Variants in SLC26A11 observed in about 807,000 individuals in gnomAD.
The protein encoded by SLC26A11 is sodium-independent sulfate anion transporter.
In SLC26A11, 58 loss-of-function variants were observed where a neutral mutation model predicts 62.2. That is an observed-to-expected ratio of 0.93 (90% CI 0.76 to 1.16). The LOEUF is 1.16. Among genes scored for constraint, SLC26A11 ranks in the 50% most tolerant of loss-of-function variants. SLC26A11 has a pLI of 0.00. For missense variants in SLC26A11, 790 were observed against 794.3 expected (o/e 0.99, Z 0.06); for synonymous variants, 411 against 368.9 (o/e 1.11, Z -1.31).
intron 2 of SLC26A11, 75 bp from the exon 3 acceptor site, chr17:80,221,473 C>G (rs117528362): frequency 5.3e-6 from 6 of 1,136,532 alleles, no homozygotes; most frequent in Non-Finnish European, 7.3e-6. Flanking sequence ...TGACACCCGC[C>G]GACCCTGACC....
In SLC26A11 at chr17:80,252,803, A is replaced by G. The variant is rs1374919938; in HGVS notation, c.*87A>G. 8.0e-7 allele frequency: 1 copy of G among 1,244,324 alleles called. No individual in the cohort carries two copies. The highest frequency in any genetic ancestry group is 1.1e-6 in the Non-Finnish European group (1 of 872,968). The allele number at this position is 1,244,324 out of a possible 1,614,324, so 77.1% of individuals were successfully genotyped here. A position where few individuals can be genotyped will look rare whatever the true frequency, so the allele number is the denominator to read the frequency against. On this transcript the variant is annotated 3_prime_UTR_variant, in exon 18 of 18. Coordinates refer to ENST00000361193, the MANE Select transcript of SLC26A11 (RefSeq NM_001166347.2). The surrounding 1 kb of genome is among the most constrained non-coding windows in gnomAD (Gnocchi z 5.2). Reference sequence around the variant, plus strand: ...TTGGATGCTGGATGCCGCCTGATAGACATGCTGGCCTGGCTGAGAAACCCC... The same window carrying G: ...TTGGATGCTGGATGCCGCCTGATAGGCATGCTGGCCTGGCTGAGAAACCCC...
In SLC26A11 at chr17:80,241,797, G is replaced by A. The variant is rs1345056932; in HGVS notation, c.1012G>A (p.Ala338Thr). 1 of 1,614,032 alleles carries A rather than the reference G, an allele frequency of 6.2e-7. No homozygotes were observed. The highest frequency in any genetic ancestry group is 8.5e-7 in the Non-Finnish European group (1 of 1,180,030). The part of the protein sequence containing the change: ...FASQNNYRID[A>T]NQELLAIGLT... ...ATCTCAGAATAATTACCGCATCGAT[G>A]CCAACCAGGAGCTGCTGGCCATCGG... Residue 338 changes from alanine to threonine, a missense_variant, in exon 10 of 18, where the codon GCC becomes ACC. Transcript: ENST00000361193.
intron 3 of SLC26A11, 46 bp downstream of exon 3, chr17:80,221,840 A>G: frequency 1.3e-6 from 2 of 1,543,600 alleles, no homozygotes; most frequent in Admixed American, 3.5e-5. Context: ...GAAACAGTGC[A>G]GAATACACAG....
intron 7 of SLC26A11, among the ~76,000 whole-genome samples, chr17:80,233,132 C>G (rs928053966): frequency 1.3e-5 from 2 of 151,074 alleles, no homozygotes; most frequent in African/African-American, 4.9e-5. Context: ...GCCTGTAATC[C>G]CAGCTACTGG....
At position 80,252,714 on chromosome 17, in the gene SLC26A11, T is replaced by C. The variant is rs1383541214; in HGVS notation, c.1819T>C (p.Ter607GlnextTer41). The stretch of plus-strand genomic sequence containing the variant: ...CCAAAAGGTTGCCCTGCTCAAGGCA[T>C]AATGGGGCCACCCGTGGGCATCCAC... The part of the protein sequence containing the change: ...LDQKVALLKA[*>Q] Residue 607 changes from the stop codon to glutamine (Q), a stop_lost, in exon 18 of 18, where the codon TAA becomes CAA. Transcript: ENST00000361193. The surrounding 1 kb of genome is among the most constrained non-coding windows in gnomAD (Gnocchi z 5.2). 5 of 1,613,216 alleles carry C rather than the reference T, an allele frequency of 3.1e-6. No homozygotes were observed. Among genetic ancestry groups the C allele is most frequent in the Admixed American group, 3.3e-5 (2 of 59,992 alleles).
In SLC26A11 at chr17:80,251,413, CA is replaced by C. The variant is rs1567971374; in HGVS notation, c.1729+13del. 1 of 1,613,448 alleles carries C rather than the reference CA, an allele frequency of 6.2e-7. No homozygotes were observed. The highest frequency in any genetic ancestry group is 8.5e-7 in the Non-Finnish European group (1 of 1,179,754). On this transcript the variant is annotated intron_variant, in intron 17 of 17. Coordinates refer to ENST00000361193, the MANE Select transcript of SLC26A11 (RefSeq NM_001166347.2). ...CCTGGAAGAAGCAGGTGGGCACAGT[CA>C]GACATCCTGTGGCTTTGGTGATTTT...
At chr17:80,251,767 AAAAAAAAAAC>A (rs1451372166) in intron 17 of SLC26A11, among the ~76,000 whole-genome samples, 1 of 151,786 alleles carries the variant, frequency 6.6e-6, no homozygotes, top group African/African-American at 2.4e-5. Flanking sequence ...TGTCTCAAAA[AAAAAAAAAAC>A]AAAAAAAACA....
intron 6 of SLC26A11, among the ~76,000 whole-genome samples, chr17:80,227,037 A>G (rs1303933416): frequency 6.6e-6 from 1 of 152,210 alleles, no homozygotes; most frequent in African/African-American, 2.4e-5. Flanking sequence ...CTGACCAGTC[A>G]GAGAGCGTCA....
chr17:80,239,600 A>T (rs1173128734), intron 9 of SLC26A11, among the ~76,000 whole-genome samples: 1 of 151,072 alleles, frequency 6.6e-6, no homozygotes, highest in Non-Finnish European at 1.5e-5. Context: ...CGTGGTCTCG[A>T]TCTCCTGACC....
chr17:80,241,725 G>A (rs189106674), intron 9 of SLC26A11, 46 bp from the exon 10 acceptor site: 731 of 1,582,512 alleles, frequency 4.6e-4, no homozygotes, highest in South Asian at 1.6e-3. Flanking sequence ...CTTTTTGAGC[G>A]ATGTTGAATA....
chr17:80,228,656 C>T lies in SLC26A11; in HGVS notation c.736+696C>T, dbSNP rs774325583. Among the ~76,000 whole-genome samples, 17 of 152,214 alleles carry T rather than the reference C, an allele frequency of 1.1e-4. No homozygotes were observed. The highest frequency in any genetic ancestry group is 2.2e-4 in the Non-Finnish European group (15 of 68,038). On this transcript the variant is annotated intron_variant, in intron 7 of 17. Transcript: ENST00000361193. The surrounding 1 kb of genome is among the most constrained non-coding windows in gnomAD (Gnocchi z 4.1). ...GCCAGGAATGCCACTAAGCCCCTGA[C>T]GGCGCACAGCCTTCCACAGCAAACA...
chr17:80,236,983 G>A lies in SLC26A11; in HGVS notation c.792G>A (p.Val264=). 3 of 1,614,112 alleles carry A rather than the reference G, an allele frequency of 1.9e-6. No individual in the cohort carries two copies. The highest frequency in any genetic ancestry group is 2.5e-6 in the Non-Finnish European group (3 of 1,179,996). The change falls in exon 8 of 18, where the codon GTG becomes GTA. Residue 264 remains valine, a synonymous_variant. Transcript: ENST00000361193. ...CCCTGGTTGCGTACTCCTTCGAGGT[G>A]ACTGGATACCAGCCTTTCATCCTAA... ...FAALVAYSFE[V]TGYQPFILTG...
rs542390710 is a variant in SLC26A11 at position 80,253,142 on chromosome 17, T to C, written c.*426T>C. 1.2e-4 allele frequency: 19 copies of C among 154,886 alleles called. No individual in the cohort carries two copies. The South Asian group carries it at 3.8e-3, about 31-fold the overall frequency. The allele number at this position is 154,886 out of a possible 1,614,324, so 9.6% of individuals were successfully genotyped here. A position where few individuals can be genotyped will look rare whatever the true frequency, so the allele number is the denominator to read the frequency against. On this transcript the variant is annotated 3_prime_UTR_variant, in exon 18 of 18. Coordinates refer to ENST00000361193, the MANE Select transcript of SLC26A11 (RefSeq NM_001166347.2). ...CTGGGAGGCGGGTCCGCTCCTCTTG[T>C]CTGCGGCATCTGTGCTCTCCGAGAG...
Position 80,252,426 on chromosome 17 carries a change from G to A in SLC26A11, c.1730-199G>A, listed in dbSNP as rs772032375. Among the ~76,000 whole-genome samples the A allele has an allele frequency of 9.2e-5, 14 of 152,062 alleles. No individual in the cohort carries two copies. The highest frequency in any genetic ancestry group is 3.9e-4 in the Admixed American group (6 of 15,270). Reference sequence around the variant, plus strand: ...TACCCTGGAGCAGTAAGAAAGGGCCGTTAGTCACCTGAAAAATACGCTTAC... The same window carrying A: ...TACCCTGGAGCAGTAAGAAAGGGCCATTAGTCACCTGAAAAATACGCTTAC... On this transcript the variant is annotated intron_variant, in intron 17 of 17. Coordinates refer to ENST00000361193, the MANE Select transcript of SLC26A11 (RefSeq NM_001166347.2). The surrounding 1 kb of genome is among the most constrained non-coding windows in gnomAD (Gnocchi z 5.2).
In SLC26A11 at chr17:80,223,127, G is replaced by T. The variant is rs1333844803; in HGVS notation, c.428-125G>T. 2 of 910,350 alleles carry T rather than the reference G, an allele frequency of 2.2e-6. No individual in the cohort carries two copies. Among genetic ancestry groups the T allele is most frequent in the African/African-American group, 3.3e-5 (2 of 60,830 alleles). 56.4% of individuals were successfully genotyped at this position (910,350 alleles called of 1,614,324 possible). ...AGCCAAACAGGGTGTGTTACCCCCA[G>T]TCCTTAGCTGCGGTATCTGCTCCCC... On this transcript the variant is annotated intron_variant, in intron 4 of 17. Coordinates refer to ENST00000361193, the MANE Select transcript of SLC26A11 (RefSeq NM_001166347.2). This position sits in a 1 kb window ranked among gnomAD's most constrained non-coding sequence, Gnocchi z 4.6.
At chr17:80,239,924 T>C (rs1347621532) in intron 9 of SLC26A11, among the ~76,000 whole-genome samples, 1 of 152,296 alleles carries the variant, frequency 6.6e-6, no homozygotes, top group Non-Finnish European at 1.5e-5. Flanking sequence ...AGTTGGAGCG[T>C]GGCTGTGCCA....
In SLC26A11 at chr17:80,246,434, G is replaced by A. The variant is rs918732342; in HGVS notation, c.1154-75G>A. 17 of 1,585,718 alleles carry A rather than the reference G, an allele frequency of 1.1e-5. No homozygotes were observed. The African/African-American group carries it at 1.5e-4, about 14-fold the overall frequency. On this transcript the variant is annotated intron_variant, in intron 12 of 17. Transcript: ENST00000361193. This position sits in a 1 kb window ranked among gnomAD's most constrained non-coding sequence, Gnocchi z 4.4. Reference sequence around the variant, plus strand: ...ACCCCTGTCCCCAGTGGGCTCTGCTGAACAAGAGGCTGCTACGCTGCGTGC... The same window carrying A: ...ACCCCTGTCCCCAGTGGGCTCTGCTAAACAAGAGGCTGCTACGCTGCGTGC...
chr17:80,224,539 CAT>C (rs1275728870), intron 5 of SLC26A11, among the ~76,000 whole-genome samples: 1 of 152,018 alleles, frequency 6.6e-6, no homozygotes, highest in Non-Finnish European at 1.5e-5. Context: ...GGACACTCTC[CAT>C]GTGTAATTCT....
At position 80,236,933 on chromosome 17, in the gene SLC26A11, A is replaced by G; in HGVS notation, c.742A>G (p.Asn248Asp). 6.2e-7 allele frequency: 1 copy of G among 1,609,948 alleles called. No homozygotes were observed. The highest frequency in any genetic ancestry group is 8.5e-7 in the Non-Finnish European group (1 of 1,176,592). Residue 248 changes from asparagine (N) to aspartate (D), a missense_variant, in exon 8 of 18, where the codon AAC (asparagine) becomes GAC (aspartate). By Grantham distance (23) the Asn-to-Asp change is conservative (BLOSUM62 1). Transcript: ENST00000361193. The part of the protein sequence containing the change: ...GLVWAATTAR[N>D]ALVVSFAALV... ...CACCTCTCCTTCTCTCCTAGCTCGC[A>G]ACGCCCTGGTGGTCTCCTTCGCAGC...
Sources: allele counts gnomAD v4.1 joint callset (sites outside exome capture counted in the v4.1 genomes callset), GRCh38; gene constraint gnomAD v4.1.1; non-coding constraint Gnocchi (gnomAD v3.1); transcripts MANE v1.5; gene names NCBI Gene and HGNC (gene_info 2026-07-23, HGNC 2026-07-21).